The following RBMS2 variants were observed in gnomAD, a reference collection of about 807,000 sequenced individuals.
RBMS2 encodes the protein RNA binding motif single stranded interacting protein 2, also known as RNA-binding motif, single-stranded-interacting protein 2.
Under a neutral mutation model 58.4 loss-of-function variants are expected in RBMS2, and 38 were observed. That is an observed-to-expected ratio of 0.65 (90% CI 0.50 to 0.85). The LOEUF (loss-of-function observed/expected upper bound fraction) is 0.85, where lower values mean the gene tolerates loss of function less well. Ranked by LOEUF, RBMS2 falls within the 40% of genes least tolerant of loss-of-function variation. The pLI, the probability that RBMS2 is intolerant of heterozygous loss-of-function variation, is 0.00. For synonymous variants in RBMS2, 151 were observed against 180.7 expected, an observed-to-expected ratio of 0.84 and a Z score of 1.32; for missense variants, 367 against 503.7, an observed-to-expected ratio of 0.73 and a Z score of 2.60.
intron 9 of RBMS2, among the ~76,000 whole-genome samples, chr12:56,582,963 T>G (rs1884181852): frequency 1.3e-5 from 2 of 152,220 alleles, no homozygotes; most frequent in Non-Finnish European, 2.9e-5. Context: ...GTGATCTGGG[T>G]TTTAACAAGC....
rs1313679512 is a variant in RBMS2, at chr12:56,571,685, G to A, written c.385-13G>A. On this transcript the variant is annotated splice_polypyrimidine_tract_variant and intron_variant, in intron 4 of 13. Coordinates refer to ENST00000262031, the MANE Select transcript of RBMS2 (RefSeq NM_002898.4). ...GAGATGTGAGCCTCATTTTCTCACT[G>A]TTATTTCCACAGCAACAGGAACAGG... 8.5e-6 allele frequency: 13 copies of A among 1,523,568 alleles called. No homozygotes were observed. Among genetic ancestry groups the A allele is most frequent in the Non-Finnish European group, 1.1e-5 (12 of 1,130,396 alleles). The allele number at this position is 1,523,568 out of a possible 1,614,324, so 94.4% of individuals were successfully genotyped here. A position where few individuals can be genotyped will look rare whatever the true frequency, so the allele number is the denominator to read the frequency against.
chr12:56,537,818 G>A (rs949004409), intron 1 of RBMS2, among the ~76,000 whole-genome samples: 2 of 147,036 alleles, frequency 1.4e-5, no homozygotes, highest in African/African-American at 5.0e-5. Flanking sequence ...CAATTTCTCT[G>A]CATCCTTACC....
At chr12:56,531,008 ACC>A (rs1395727562) in intron 1 of RBMS2, among the ~76,000 whole-genome samples, 51 of 152,246 alleles carry the variant, frequency 3.3e-4, no homozygotes, top group African/African-American at 1.1e-3. Flanking sequence ...GTTGAAAATT[ACC>A]TCTTATATAA....
upstream of RBMS2, among the ~76,000 whole-genome samples, chr12:56,520,409 G>A (rs1051309802): frequency 6.6e-6 from 1 of 152,158 alleles, no homozygotes; most frequent in African/African-American, 2.4e-5. Flanking sequence ...TTGAGGGAGG[G>A]TTTGGGCTTA....
At position 56,569,930 on chromosome 12, in the gene RBMS2, A is replaced by G. The variant is rs112838730; in HGVS notation, c.324A>G (p.Ser108=). The change falls in exon 4 of 14, where the codon TCA becomes TCG. Residue 108 remains serine, a synonymous_variant. Transcript: ENST00000262031. ...GCTTTGTAGATTTTGACAGCCCTTC[A>G]GCAGCACAGAAAGCTGTAACAGCAC... ...GYGFVDFDSP[S]AAQKAVTALK... is the part of the protein sequence containing the mutation. 54 of 1,613,982 alleles carry G rather than the reference A, an allele frequency of 3.3e-5. No homozygotes were observed. In the South Asian group the frequency reaches 5.4e-4, roughly 16 times the overall value.
intron 1 of RBMS2, among the ~76,000 whole-genome samples, chr12:56,554,022 A>G (rs960835290): frequency 5.9e-5 from 9 of 152,056 alleles, no homozygotes; most frequent in Non-Finnish European, 1.3e-4. Flanking sequence ...ACAGGGTTTC[A>G]GCATGTTGGC....
intron 5 of RBMS2, among the ~76,000 whole-genome samples, chr12:56,574,413 T>C (rs1389755812): frequency 6.6e-6 from 1 of 152,254 alleles, no homozygotes; most frequent in East Asian, 1.9e-4. Flanking sequence ...TATTTGCTTT[T>C]GTCATAGCAA....
At position 56,589,388 on chromosome 12, in the gene RBMS2, CTT is replaced by C. The variant is rs1885137885; in HGVS notation, c.*258_*259del. On this transcript the variant is annotated 3_prime_UTR_variant, in exon 14 of 14. Coordinates refer to ENST00000262031, the MANE Select transcript of RBMS2 (RefSeq NM_002898.4). The stretch of plus-strand genomic sequence containing the variant: ...GCTACATTCAAGGAGATCAAAAAAA[CTT>C]TTCTTCTTTTGCAAAGAAAGCTTTT... 1.0e-6 allele frequency: 1 copy of C among 994,688 alleles called. No homozygotes were observed. The highest frequency in any genetic ancestry group is 1.7e-5 in the African/African-American group (1 of 58,558). The allele number at this position is 994,688 out of a possible 1,614,324, so 61.6% of individuals were successfully genotyped here.
intron 1 of RBMS2, among the ~76,000 whole-genome samples, chr12:56,542,738 C>T (rs975085552): frequency 1.3e-5 from 2 of 151,282 alleles, no homozygotes; most frequent in African/African-American, 4.9e-5. Flanking sequence ...TTTGTAGAGG[C>T]AGGGTCTCCC....
In RBMS2 at chr12:56,582,094, G is replaced by C; in HGVS notation, c.815G>C (p.Arg272Thr). ...GCCCCCTATAACATCACCCCCAACA[G>C]GATGCTTGCTCAGTCTGCACTCTCC... ...YPAPYNITPNRMLAQSALSPY... is the reference protein window; with the variant it reads ...YPAPYNITPNTMLAQSALSPY... The change falls in exon 9 of 14, where the codon AGG (arginine) becomes ACG (threonine). Residue 272 changes from arginine to threonine, a missense_variant. This residue lies in a region of RBMS2 where 220 missense variants were observed against 261.1 expected (regional missense o/e 0.84). Transcript: ENST00000262031. 6.2e-7 allele frequency: 1 copy of C among 1,613,424 alleles called. No individual in the cohort carries two copies. Among genetic ancestry groups the C allele is most frequent in the Non-Finnish European group, 8.5e-7 (1 of 1,179,540 alleles).
At chr12:56,536,064 G>T (rs749818282) in intron 1 of RBMS2, among the ~76,000 whole-genome samples, 1 of 151,804 alleles carries the variant, frequency 6.6e-6, no homozygotes, top group Non-Finnish European at 1.5e-5. Flanking sequence ...AGCTGGGCGT[G>T]GTGGCGCACA....
chr12:56,558,072 T>A (rs1879595010), intron 1 of RBMS2, among the ~76,000 whole-genome samples: 1 of 107,706 alleles, frequency 9.3e-6, no homozygotes, highest in Non-Finnish European at 1.8e-5. Flanking sequence ...TGAGACGGAG[T>A]CTTGCTCTGT....
intron 2 of RBMS2, among the ~76,000 whole-genome samples, chr12:56,563,274 T>A (rs1186646274): frequency 2.0e-5 from 3 of 152,214 alleles, no homozygotes; most frequent in Non-Finnish European, 4.4e-5. Context: ...ATGGTCTTAG[T>A]GGAAAGACTG....
At position 56,537,206 on chromosome 12, in the gene RBMS2, G is replaced by A. The variant is rs546355528; in HGVS notation, c.66+15117G>A. On this transcript the variant is annotated intron_variant, in intron 1 of 13. Coordinates refer to ENST00000262031, the MANE Select transcript of RBMS2 (RefSeq NM_002898.4). Reference sequence around the variant, plus strand: ...AAAGTGCTGGGATTACAGGCGTGAGGCGCCCACCTTGCCTGGCTCATCTTG... The same window carrying A: ...AAAGTGCTGGGATTACAGGCGTGAGACGCCCACCTTGCCTGGCTCATCTTG... Among the ~76,000 whole-genome samples, 29 of 152,066 alleles carry A rather than the reference G, an allele frequency of 1.9e-4. No individual in the cohort carries two copies. In the South Asian group the frequency reaches 2.5e-3, roughly 13 times the overall value.
chr12:56,526,668 TAAAA>T (rs371154715), intron 1 of RBMS2, among the ~76,000 whole-genome samples: 1 of 117,470 alleles, frequency 8.5e-6, no homozygotes, highest in Admixed American at 9.7e-5. Context: ...CTTGGTTCAT[TAAAA>T]AAAAAAAAAA....
chr12:56,530,661 A>C (rs1873572733), intron 1 of RBMS2, among the ~76,000 whole-genome samples: 1 of 152,094 alleles, frequency 6.6e-6, no homozygotes, highest in South Asian at 2.1e-4. Flanking sequence ...CACCTGGCTG[A>C]GATAATTTTC....
At chr12:56,568,871 GT>G in intron 2 of RBMS2, 103 bp from the exon 3 acceptor site, 1 of 996,874 alleles carries the variant, frequency 1.0e-6, no homozygotes. Context: ...AGTAGGAAAA[GT>G]TAGATCATGG....
chr12:56,578,440 T>C (rs555590492), intron 5 of RBMS2, among the ~76,000 whole-genome samples: 150 of 152,312 alleles, frequency 9.8e-4, no homozygotes, highest in Non-Finnish European at 2.0e-3. Flanking sequence ...AATTATTTTA[T>C]AGAAGTAAAT....
intron 1 of RBMS2, among the ~76,000 whole-genome samples, chr12:56,552,092 T>C (rs1436759494): frequency 2.6e-5 from 4 of 152,124 alleles, no homozygotes; most frequent in Admixed American, 2.0e-4. Context: ...AAAAGCCTGG[T>C]AGTGTGATGA....
Sources: gnomAD v4.1 joint callset for allele counts (sites outside exome capture counted in the v4.1 genomes callset) on GRCh38, gnomAD v4.1.1 for gene constraint, gnomAD v4.1.1 regional missense constraint, MANE v1.5 for transcripts, NCBI Gene and HGNC (gene_info 2026-07-23, HGNC 2026-07-21) for gene names.